The following PBRM1 variants were observed in gnomAD, a reference collection of about 807,000 sequenced individuals.
PBRM1 encodes protein polybromo-1.
A neutral mutation model predicts 194.5 loss-of-function variants in PBRM1; 27 were observed. The observed-to-expected ratio is 0.14, with a 90% CI of 0.10 to 0.19. The LOEUF (loss-of-function observed/expected upper bound fraction) is 0.19. Ranked by LOEUF, PBRM1 falls within the 10% of genes least tolerant of loss-of-function variation. The probability of loss-of-function intolerance (pLI) is 1.00; values close to 1 mark genes in which losing one functional copy is unlikely to be tolerated. For synonymous variants in PBRM1, 655 were observed against 693.2 expected (o/e 0.94, Z 0.87); for missense variants, 1,466 against 2,077.2 (o/e 0.71, Z 5.72).
At chr3:52,675,349 G>A (rs532739689) in intron 2 of PBRM1, among the ~76,000 whole-genome samples, 81 of 152,268 alleles carry the variant, frequency 5.3e-4, no homozygotes, top group African/African-American at 1.5e-3. Context: ...GCGAGGTCAC[G>A]TCCTAACTTA....
At chr3:52,628,440 T>C (rs913250611) in intron 12 of PBRM1, among the ~76,000 whole-genome samples, 5 of 146,768 alleles carry the variant, frequency 3.4e-5, no homozygotes, top group East Asian at 3.9e-4. Flanking sequence ...AAGTATAATA[T>C]ATAAAATACA....
At chr3:52,663,808 C>T (rs2096773788) in intron 3 of PBRM1, among the ~76,000 whole-genome samples, 1 of 151,326 alleles carries the variant, frequency 6.6e-6, no homozygotes, top group Non-Finnish European at 1.5e-5. Flanking sequence ...GCCTGTAATC[C>T]CACCACTTTG....
intron 2 of PBRM1, among the ~76,000 whole-genome samples, chr3:52,676,665 G>A (rs2097111881): frequency 6.6e-6 from 1 of 152,182 alleles, no homozygotes; most frequent in Non-Finnish European, 1.5e-5. Context: ...CGAAAATGTG[G>A]AAGCGACTTT....
chr3:52,575,390 G>A (rs1559994073), intron 22 of PBRM1, among the ~76,000 whole-genome samples: 1 of 151,604 alleles, frequency 6.6e-6, no homozygotes, highest in Non-Finnish European at 1.5e-5. Flanking sequence ...AAAATTATCA[G>A]GCATGCAAAG....
chr3:52,673,557 A>G (rs971301154), intron 2 of PBRM1, among the ~76,000 whole-genome samples: 3 of 150,620 alleles, frequency 2.0e-5, no homozygotes, highest in African/African-American at 7.3e-5. Context: ...CTGTAATCCC[A>G]GCTACTCGGG....
rs943784779 is a variant in PBRM1 at position 52,677,231 on chromosome 3, C to T, written c.236+1269G>A. ...TTCATGAAAATTAAAACCTTTTGTA[C>T]ATCTAAGGACACCGTACAAAATGAA... On this transcript the variant is annotated intron_variant, in intron 2 of 29. Coordinates refer to ENST00000296302, the Ensembl canonical transcript of PBRM1. Among the ~76,000 whole-genome samples, 4 of 152,136 alleles carry T rather than the reference C, an allele frequency of 2.6e-5. No individual in the cohort carries two copies. In the South Asian group the frequency reaches 8.3e-4, roughly 32 times the overall value.
At chr3:52,676,412 A>G (rs967804049) in intron 2 of PBRM1, among the ~76,000 whole-genome samples, 2 of 152,126 alleles carry the variant, frequency 1.3e-5, no homozygotes, top group African/African-American at 4.8e-5. Flanking sequence ...AAGTTGCATG[A>G]GATCTGATGG....
At chr3:52,563,351 G>C (rs755510462) in exon 24 of PBRM1, 1 of 1,614,020 alleles carries the variant, frequency 6.2e-7, no homozygotes. Flanking sequence ...GGTAGAGAAG[G>C]AGGTTCAATG....
chr3:52,656,596 C>T lies in PBRM1; in HGVS notation c.645+1603G>A, dbSNP rs377252114. On this transcript the variant is annotated intron_variant, in intron 5 of 29. Coordinates refer to ENST00000296302, the Ensembl canonical transcript of PBRM1. ...AGGACAATCGCTTGAACTCGGGAGG[C>T]GGAGGTTGCAGTGAGCCAAGATCAC... Among the ~76,000 whole-genome samples the T allele has an allele frequency of 1.3e-4, 20 of 152,040 alleles. 1 individual carries two copies. In the East Asian group the frequency reaches 3.3e-3, roughly 25 times the overall value.
exon 3 of PBRM1, chr3:52,668,579 T>G: frequency 6.2e-7 from 1 of 1,606,640 alleles, no homozygotes; most frequent in Non-Finnish European, 8.5e-7. Flanking sequence ...CTTCCATTTT[T>G]AGTTTCTGTT....
At chr3:52,548,369 G>C (rs2047952712) in intron 29 of PBRM1, 134 bp from the exon 32 acceptor site, 3 of 549,444 alleles carry the variant, frequency 5.5e-6, no homozygotes, top group Non-Finnish European at 9.1e-6. Flanking sequence ...TTTAACTGCA[G>C]AATATTTCCA....
chr3:52,657,760 G>A (rs1179528181), intron 5 of PBRM1, among the ~76,000 whole-genome samples: 39 of 138,324 alleles, frequency 2.8e-4, no homozygotes, highest in Middle Eastern at 5.5e-3. Flanking sequence ...GTGAGCCACT[G>A]CGCCTGGCCC....
At chr3:52,601,273 C>T (rs963169069) in intron 17 of PBRM1, among the ~76,000 whole-genome samples, 3 of 152,170 alleles carry the variant, frequency 2.0e-5, no homozygotes, top group African/African-American at 4.8e-5. Context: ...CAGCCCCCAA[C>T]GTTTTTGGCA....
intron 20 of PBRM1, among the ~76,000 whole-genome samples, chr3:52,584,203 T>C (rs1180706562): frequency 1.3e-5 from 2 of 152,164 alleles, no homozygotes; most frequent in African/African-American, 4.8e-5. Context: ...CTAGAGGTTC[T>C]ATATATTCCT....
At chr3:52,562,188 G>A (rs370237049) in intron 24 of PBRM1, among the ~76,000 whole-genome samples, 29 of 151,974 alleles carry the variant, frequency 1.9e-4, no homozygotes, top group Middle Eastern at 3.4e-3. Context: ...TTAGCCAGGC[G>A]TGGTGGCGGG....
chr3:52,659,063 C>T lies in PBRM1; in HGVS notation c.529-748G>A, dbSNP rs1035509903. ...AGTTGGGACTACATACTTTTAACCA[C>T]GGGGTGCTCTACCAAGTCTAACTGA... On this transcript the variant is annotated intron_variant, in intron 4 of 29. Coordinates refer to ENST00000296302, the Ensembl canonical transcript of PBRM1. Among the ~76,000 whole-genome samples the T allele has an allele frequency of 3.9e-5, 6 of 152,160 alleles. No individual in the cohort carries two copies. The South Asian group carries it at 6.2e-4, about 16-fold the overall frequency.
chr3:52,660,855 A>C (rs896165302), intron 4 of PBRM1, among the ~76,000 whole-genome samples: 6 of 152,062 alleles, frequency 3.9e-5, no homozygotes, highest in Admixed American at 1.3e-4. Context: ...TGTATTTTTG[A>C]GAAATTCACC....
chr3:52,647,003 T>A (rs1328284611), intron 7 of PBRM1, among the ~76,000 whole-genome samples: 1 of 152,130 alleles, frequency 6.6e-6, no homozygotes, highest in African/African-American at 2.4e-5. Context: ...GCAAACCATT[T>A]ACATGATAAG....
At chr3:52,627,408 C>G (rs1448190824) in intron 12 of PBRM1, 38 bp from the exon 14 acceptor site, 3 of 1,177,670 alleles carry the variant, frequency 2.5e-6, no homozygotes, top group Non-Finnish European at 3.8e-6. Context: ...AGCTCATGTG[C>G]CAAACACTCC....
Sources: gnomAD v4.1 joint callset for allele counts (sites outside exome capture counted in the v4.1 genomes callset) on GRCh38, gnomAD v4.1.1 for gene constraint, MANE v1.5 for transcripts, NCBI Gene and HGNC (gene_info 2026-07-23, HGNC 2026-07-21) for gene names.